The following ZGRF1 variants were observed in gnomAD, a reference collection of about 807,000 sequenced individuals.
The protein encoded by ZGRF1 is 5'-3' DNA helicase ZGRF1.
ZGRF1 carries 196 observed loss-of-function variants against 203.5 expected under a neutral mutation model. The ratio of observed to expected loss-of-function variants is 0.96; its 90% CI spans 0.86 to 1.08. ZGRF1 has a LOEUF of 1.08. Ranked by LOEUF, ZGRF1 falls within the 50% of genes least tolerant of loss-of-function variation. The pLI is 0.00. For missense variants in ZGRF1, 2,326 were observed against 2,416.3 expected (o/e 0.96, Z 0.78); for synonymous variants, 809 against 841.3 (o/e 0.96, Z 0.66).
At chr4:112,592,042 A>T (rs1012888233) in intron 10 of ZGRF1, among the ~76,000 whole-genome samples, 9 of 151,210 alleles carry the variant, frequency 6.0e-5, no homozygotes, top group African/African-American at 2.2e-4. Context: ...AAATACACTC[A>T]TTTTAAGGAG....
chr4:112,603,004 T>C (rs949190339), intron 10 of ZGRF1, among the ~76,000 whole-genome samples: 1 of 150,590 alleles, frequency 6.6e-6, no homozygotes, highest in Non-Finnish European at 1.5e-5. Flanking sequence ...TTCATATATG[T>C]ATTATGCTTT....
chr4:112,613,018 G>C (rs1191623897), intron 6 of ZGRF1, among the ~76,000 whole-genome samples: 1 of 152,160 alleles, frequency 6.6e-6, no homozygotes, highest in Non-Finnish European at 1.5e-5. Flanking sequence ...ACAGAGTCGG[G>C]CATGGTGGCT....
At chr4:112,577,847 C>G (rs1328717880) in intron 16 of ZGRF1, among the ~76,000 whole-genome samples, 1 of 121,770 alleles carries the variant, frequency 8.2e-6, no homozygotes, top group Non-Finnish European at 1.8e-5. Flanking sequence ...TTTAACACCC[C>G]ACTGTCAACA....
intron 24 of ZGRF1, among the ~76,000 whole-genome samples, chr4:112,544,132 G>A (rs1043107923): frequency 6.6e-6 from 1 of 152,100 alleles, no homozygotes; most frequent in Admixed American, 6.6e-5. Flanking sequence ...AACAGCTCAA[G>A]ACAACTGAAA....
At chr4:112,596,806 T>C (rs1749094854) in intron 10 of ZGRF1, among the ~76,000 whole-genome samples, 1 of 152,088 alleles carries the variant, frequency 6.6e-6, no homozygotes, top group East Asian at 1.9e-4. Context: ...TTGCCCAGGA[T>C]GGTCTCGAAC....
intron 17 of ZGRF1, 124 bp downstream of exon 17, chr4:112,563,007 G>C: frequency 1.6e-6 from 1 of 610,372 alleles, no homozygotes; most frequent in South Asian, 3.4e-5. Context: ...ACATTTTCAG[G>C]AACTCACTGT....
Position 112,618,899 on chromosome 4 carries a change from C to G in ZGRF1, c.1143G>C (p.Glu381Asp). ...IIQFVETYAE[E>D]RKKYNVDQSV... is the part of the protein sequence containing the mutation. ...ACTGGTCTACATTATACTTTTTCCTCTCTTCAGCATACGTTTCAACGAACT... is the reference window on the plus strand; with the variant it reads ...ACTGGTCTACATTATACTTTTTCCTGTCTTCAGCATACGTTTCAACGAACT... Residue 381 changes from glutamate (E) to aspartate (D), a missense_variant, in exon 6 of 28, where the codon GAG becomes GAC. Physicochemically the swap from Glu to Asp is conservative, Grantham distance 45. Transcript: ENST00000505019. 1 of 1,613,812 alleles carries G rather than the reference C, an allele frequency of 6.2e-7. No individual in the cohort carries two copies.
At chr4:112,562,996 C>G (rs966722518) in intron 17 of ZGRF1, 135 bp downstream of exon 17, 1 of 569,786 alleles carries the variant, frequency 1.8e-6, no homozygotes, top group African/African-American at 1.9e-5. Flanking sequence ...CAACTTCATA[C>G]ACATTTTCAG....
In ZGRF1 at chr4:112,618,761, T is replaced by A; in HGVS notation, c.1281A>T (p.Ile427=). Residue 427 remains isoleucine (I), a synonymous_variant, in exon 6 of 28, where the codon ATA becomes ATT. Coordinates refer to ENST00000505019, the MANE Select transcript of ZGRF1 (RefSeq NM_018392.5). ...VTCSSAENDG[I]LSESDIQEDN... is the part of the protein sequence containing the mutation. ...CTTCTTGAATGTCAGATTCTGATAA[T>A]ATACCATCATTTTCTGCACTGCTAC... The A allele has an allele frequency of 6.2e-7, 1 of 1,611,174 alleles. No homozygotes were observed. The highest frequency in any genetic ancestry group is 8.5e-7 in the Non-Finnish European group (1 of 1,179,080).
At chr4:112,628,924 G>A (rs781354369) in intron 3 of ZGRF1, 1 of 371,450 alleles carries the variant, frequency 2.7e-6, no homozygotes, top group Non-Finnish European at 5.2e-6. Context: ...ATTAGTTTAT[G>A]TATTTAAAAA....
intron 4 of ZGRF1, among the ~76,000 whole-genome samples, 165 bp downstream of exon 4, chr4:112,623,652 T>C (rs1387788880): frequency 6.6e-6 from 1 of 152,070 alleles, no homozygotes; most frequent in African/African-American, 2.4e-5. Flanking sequence ...GTTGTAGAGA[T>C]TAAAGGAAAC....
intron 12 of ZGRF1, among the ~76,000 whole-genome samples, chr4:112,586,908 C>A (rs971106445): frequency 9.9e-5 from 15 of 152,078 alleles, no homozygotes; most frequent in African/African-American, 3.6e-4. Context: ...AAGGATTATT[C>A]ACAATTAACG....
chr4:112,622,364 C>CA (rs1578477835), intron 4 of ZGRF1, among the ~76,000 whole-genome samples: 1 of 151,484 alleles, frequency 6.6e-6, no homozygotes, highest in Non-Finnish European at 1.5e-5. Context: ...ACTAAAAATA[C>CA]AAAAAATTAG....
At chr4:112,620,886 G>T (rs1281702847) in intron 4 of ZGRF1, among the ~76,000 whole-genome samples, 1 of 150,472 alleles carries the variant, frequency 6.6e-6, no homozygotes, top group Admixed American at 6.6e-5. Context: ...AAAAAAATTA[G>T]CCAGGCATGG....
chr4:112,623,933 ACTT>A (rs753885562), intron 3 of ZGRF1, 57 bp from the exon 4 acceptor site: 15 of 877,088 alleles, frequency 1.7e-5, no homozygotes, highest in Non-Finnish European at 2.8e-5. Flanking sequence ...CTTTTCTTAA[ACTT>A]CTTCAAGAGG....
intron 20 of ZGRF1, among the ~76,000 whole-genome samples, chr4:112,557,198 T>G (rs1038578727): frequency 6.6e-6 from 1 of 151,364 alleles, no homozygotes; most frequent in Non-Finnish European, 1.5e-5. Flanking sequence ...TTGAGACAGA[T>G]TCTCCCTCTG....
chr4:112,553,262 A>G lies in ZGRF1; in HGVS notation c.5346+573T>C, dbSNP rs542737863. On this transcript the variant is annotated intron_variant, in intron 22 of 27. Transcript: ENST00000505019. ...TTGATTTTTTCTCTTCCAACAGCTG[A>G]TGCCCAGGCTTCCCTAGATCAAAAC... Among the ~76,000 whole-genome samples, 21 of 152,248 alleles carry G rather than the reference A, an allele frequency of 1.4e-4. No individual in the cohort carries two copies. In the East Asian group the frequency reaches 4.1e-3, roughly 29 times the overall value.
chr4:112,551,979 T>TA (rs1445986014), intron 22 of ZGRF1, among the ~76,000 whole-genome samples: 1 of 152,160 alleles, frequency 6.6e-6, no homozygotes, highest in Non-Finnish European at 1.5e-5. Context: ...CATGCCACTT[T>TA]AGAAATGAGT....
At chr4:112,628,477 T>G in intron 3 of ZGRF1, 2 of 421,306 alleles carry the variant, frequency 4.7e-6, no homozygotes, top group South Asian at 3.4e-5. Context: ...TGTTGGTTGG[T>G]TGATGACTTA....
Sources: gnomAD v4.1 joint callset for allele counts (sites outside exome capture counted in the v4.1 genomes callset) on GRCh38, gnomAD v4.1.1 for gene constraint, MANE v1.5 for transcripts, NCBI Gene and HGNC (gene_info 2026-07-23, HGNC 2026-07-21) for gene names.